Variants in OR2AG1 observed in about 807,000 individuals in gnomAD.
OR2AG1 encodes the protein olfactory receptor family 2 subfamily AG member 1.
For synonymous variants in OR2AG1, 157 were observed against 155.6 expected, an observed-to-expected ratio of 1.01 and a Z score of -0.07; for missense variants, 391 against 385.9, an observed-to-expected ratio of 1.01 and a Z score of -0.11.
Position 6,785,942 on chromosome 11 carries a change from G to A in OR2AG1, c.905G>A (p.Arg302Lys). The change falls in exon 2 of 2, where the codon AGG (arginine) becomes AAG (lysine). Residue 302 changes from arginine to lysine, a missense_variant. Arg to Lys is a conservative substitution (Grantham distance 26). Transcript: ENST00000641258. Reference sequence around the variant, plus strand: ...AATAAGGAGGTCATGCGGGCCTTGAGGAGGGTCCTGGGAAAATACATGCTG... The same window carrying A: ...AATAAGGAGGTCATGCGGGCCTTGAAGAGGGTCCTGGGAAAATACATGCTG... Reference protein sequence around the residue: ...LRNKEVMRALRRVLGKYMLPA... With the variant: ...LRNKEVMRALKRVLGKYMLPA... The A allele has an allele frequency of 6.2e-7, 1 of 1,613,936 alleles. No individual in the cohort carries two copies. The highest frequency in any genetic ancestry group is 2.2e-5 in the East Asian group (1 of 44,894).
Position 6,784,103 on chromosome 11 carries a change from T to A in OR2AG1, c.-21+632T>A, listed in dbSNP as rs568483029. On this transcript the variant is annotated intron_variant, in intron 1 of 1. Coordinates refer to ENST00000641258, the MANE Select transcript of OR2AG1 (RefSeq NM_001004489.3). The stretch of plus-strand genomic sequence containing the variant: ...CAACAGCTGCTTTCTGGAAAAGCAG[T>A]TCCTCCCTATTCCTGTGGTCCTTCT... 2.6e-5 allele frequency among the ~76,000 whole-genome samples: 4 copies of A among 152,230 alleles called. No homozygotes were observed. The South Asian group carries it at 8.3e-4, about 32-fold the overall frequency.
rs1288835598 is a variant in OR2AG1, at chr11:6,790,896, A to C, written c.*4908A>C. On this transcript the variant is annotated 3_prime_UTR_variant, in exon 2 of 2. Transcript: ENST00000641258. ...AGCACTCAGACATTAACATCTGTGA[A>C]GTGTGCCCTGCATGCTAAGAAAAGG... is the stretch of plus-strand genomic sequence containing the variant. The C allele has an allele frequency of 6.6e-6, 1 of 152,224 alleles. No individual in the cohort carries two copies. Among genetic ancestry groups the C allele is most frequent in the Admixed American group, 6.6e-5 (1 of 15,266 alleles). The allele number at this position is 152,224 out of a possible 1,614,324, so 9.4% of individuals were successfully genotyped here.
chr11:6,791,466 T>C lies in OR2AG1; in HGVS notation c.*5478T>C, dbSNP rs1847688893. ...ACCAAATGGTGATATTCAAAAGAGCTGGCATAATTTTTTAGAGTTGCTAAG... is the reference window on the plus strand; with the variant it reads ...ACCAAATGGTGATATTCAAAAGAGCCGGCATAATTTTTTAGAGTTGCTAAG... On this transcript the variant is annotated 3_prime_UTR_variant, in exon 2 of 2. Coordinates refer to ENST00000641258, the MANE Select transcript of OR2AG1 (RefSeq NM_001004489.3). 6.6e-6 allele frequency: 1 copy of C among 152,246 alleles called. No homozygotes were observed. The highest frequency in any genetic ancestry group is 2.4e-5 in the African/African-American group (1 of 41,466). The allele number at this position is 152,246 out of a possible 1,614,324, so 9.4% of individuals were successfully genotyped here.
Position 6,785,096 on chromosome 11 carries a change from A to T in OR2AG1, c.59A>T (p.Asp20Val), listed in dbSNP as rs1469022109. The change falls in exon 2 of 2, where the codon GAC becomes GTC. Residue 20 changes from aspartate to valine, a missense_variant. Physicochemically the swap from Asp to Val is radical, Grantham distance 152. Coordinates refer to ENST00000641258, the MANE Select transcript of OR2AG1 (RefSeq NM_001004489.3). ...TTCATTTTGGTGGGGATTCTGAATG[A>T]CAGTGGGTCTCCTGAACTGCTCTGT... ...SGFILVGILN[D>V]SGSPELLCAT... 1.9e-6 allele frequency: 3 copies of T among 1,613,886 alleles called. No individual in the cohort carries two copies. Among genetic ancestry groups the T allele is most frequent in the Non-Finnish European group, 2.5e-6 (3 of 1,179,888 alleles).
rs199990022 is a variant in OR2AG1 at position 6,785,810 on chromosome 11, T to G, written c.773T>G (p.Met258Arg). The change falls in exon 2 of 2, where the codon ATG (methionine) becomes AGG (arginine). Residue 258 changes from methionine (M) to arginine (R), a missense_variant. Met to Arg is a moderately conservative substitution (Grantham distance 91). Coordinates refer to ENST00000641258, the MANE Select transcript of OR2AG1 (RefSeq NM_001004489.3). ...ATGTTCTATGGAGCTGCCACATTCATGTATGTCTTGCCCAGTTCCTTCCAC... is the reference window on the plus strand; with the variant it reads ...ATGTTCTATGGAGCTGCCACATTCAGGTATGTCTTGCCCAGTTCCTTCCAC... The part of the protein sequence containing the change: ...VGMFYGAATF[M>R]YVLPSSFHST... The G allele has an allele frequency of 8.1e-6, 13 of 1,614,188 alleles. No individual in the cohort carries two copies. Among genetic ancestry groups the G allele is most frequent in the Middle Eastern group, 3.3e-4 (2 of 6,062 alleles).
Position 6,789,942 on chromosome 11 carries a change from G to T in OR2AG1, c.*3954G>T, listed in dbSNP as rs1056963307. On this transcript the variant is annotated 3_prime_UTR_variant, in exon 2 of 2. Transcript: ENST00000641258. ...AAATCGCTGTTTCCAAGACATATTT[G>T]CACTCCATGTTTATTGCAGCATGAT... The T allele has an allele frequency of 7.9e-5, 12 of 152,110 alleles. No individual in the cohort carries two copies. Among genetic ancestry groups the T allele is most frequent in the Non-Finnish European group, 1.3e-4 (9 of 68,022 alleles). 9.4% of individuals were successfully genotyped at this position (152,110 alleles called of 1,614,324 possible). A position where few individuals can be genotyped will look rare whatever the true frequency, so the allele number is the denominator to read the frequency against.
In OR2AG1 at chr11:6,786,054, A is replaced by G; in HGVS notation, c.*66A>G. ...AGTCAAAAGATTCATGTTATGAATC[A>G]AATACTAATGGTAAAACCAATACAG... On this transcript the variant is annotated 3_prime_UTR_variant, in exon 2 of 2. Transcript: ENST00000641258. 2 of 1,251,852 alleles carry G rather than the reference A, an allele frequency of 1.6e-6. No individual in the cohort carries two copies. The highest frequency in any genetic ancestry group is 2.3e-6 in the Non-Finnish European group (2 of 882,978). The allele number at this position is 1,251,852 out of a possible 1,614,324, so 77.5% of individuals were successfully genotyped here.
Position 6,787,567 on chromosome 11 carries a change from A to G in OR2AG1, c.*1579A>G, listed in dbSNP as rs1386683574. ...CTACAGAATAAATGGCCCTGAAAAT[A>G]CTGTTGAGTGATGGTATAATGTTAC... is the stretch of plus-strand genomic sequence containing the variant. On this transcript the variant is annotated 3_prime_UTR_variant, in exon 2 of 2. Coordinates refer to ENST00000641258, the MANE Select transcript of OR2AG1 (RefSeq NM_001004489.3). 1 of 152,090 alleles carries G rather than the reference A, an allele frequency of 6.6e-6. No individual in the cohort carries two copies. The highest frequency in any genetic ancestry group is 1.5e-5 in the Non-Finnish European group (1 of 67,984). The allele number at this position is 152,090 out of a possible 1,614,324, so 9.4% of individuals were successfully genotyped here. A position where few individuals can be genotyped will look rare whatever the true frequency, so the allele number is the denominator to read the frequency against.
chr11:6,786,817 T>C lies in OR2AG1; in HGVS notation c.*829T>C, dbSNP rs1847632471. The C allele has an allele frequency of 6.6e-6, 1 of 152,210 alleles. No homozygotes were observed. Among genetic ancestry groups the C allele is most frequent in the African/African-American group, 2.4e-5 (1 of 41,462 alleles). The allele number at this position is 152,210 out of a possible 1,614,324, so 9.4% of individuals were successfully genotyped here. On this transcript the variant is annotated 3_prime_UTR_variant, in exon 2 of 2. Transcript: ENST00000641258. ...ATTTAAGTCAGTGTGTCTGTGTGTTTGTGCTAAAGATGGAGAGGACAACAT... is the reference window on the plus strand; with the variant it reads ...ATTTAAGTCAGTGTGTCTGTGTGTTCGTGCTAAAGATGGAGAGGACAACAT...
intron 1 of OR2AG1, among the ~76,000 whole-genome samples, chr11:6,784,371 A>G (rs1816945066): frequency 6.6e-6 from 1 of 152,146 alleles, no homozygotes; most frequent in Admixed American, 6.6e-5. Flanking sequence ...ATTTGTATTG[A>G]CCCTAAAGTA....
chr11:6,789,003 A>T lies in OR2AG1; in HGVS notation c.*3015A>T, dbSNP rs1238729409. Reference sequence around the variant, plus strand: ...AATCCCCCTCAGTAACTGTAGCATTATTTTCAGCTTCTCTTCACAGGAAAA... The same window carrying T: ...AATCCCCCTCAGTAACTGTAGCATTTTTTTCAGCTTCTCTTCACAGGAAAA... On this transcript the variant is annotated 3_prime_UTR_variant, in exon 2 of 2. Transcript: ENST00000641258. 1 of 149,302 alleles carries T rather than the reference A, an allele frequency of 6.7e-6. No individual in the cohort carries two copies. 9.2% of individuals were successfully genotyped at this position (149,302 alleles called of 1,614,324 possible).
Position 6,783,051 on chromosome 11 carries a change from A to AG in OR2AG1, c.-439dup, listed in dbSNP as rs1847588513. 1 of 152,330 alleles carries AG rather than the reference A, an allele frequency of 6.6e-6. No individual in the cohort carries two copies. The highest frequency in any genetic ancestry group is 2.4e-5 in the African/African-American group (1 of 41,458). 9.4% of individuals were successfully genotyped at this position (152,330 alleles called of 1,614,324 possible). A position where few individuals can be genotyped will look rare whatever the true frequency, so the allele number is the denominator to read the frequency against. On this transcript the variant is annotated 5_prime_UTR_variant, in exon 1 of 2. The change abolishes the stop of an existing upstream ORF in the 5' untranslated region. Transcript: ENST00000641258. ...TGCTCCCTGACCCCAGCAAGAATGA[A>AG]GGAAAGTCTGAGTATCTGAACCCAA... is the stretch of plus-strand genomic sequence containing the variant.
At position 6,788,087 on chromosome 11, in the gene OR2AG1, G is replaced by A. The variant is rs1193893108; in HGVS notation, c.*2099G>A. On this transcript the variant is annotated 3_prime_UTR_variant, in exon 2 of 2. Transcript: ENST00000641258. ...TGTGGTAATAACTTCTTTTCAATTT[G>A]TTATTTGGCTTCTAATATCTGCATG... is the stretch of plus-strand genomic sequence containing the variant. 6.6e-6 allele frequency: 1 copy of A among 152,014 alleles called. No individual in the cohort carries two copies. Among genetic ancestry groups the A allele is most frequent in the Non-Finnish European group, 1.5e-5 (1 of 67,974 alleles). The allele number at this position is 152,014 out of a possible 1,614,324, so 9.4% of individuals were successfully genotyped here.
intron 1 of OR2AG1, among the ~76,000 whole-genome samples, chr11:6,784,066 G>C (rs1364016278): frequency 6.6e-6 from 1 of 152,060 alleles, no homozygotes; most frequent in African/African-American, 2.4e-5. Context: ...ATGGGATTGG[G>C]TACCACAATG....
Position 6,788,943 on chromosome 11 carries a change from TAA to T in OR2AG1, c.*2957_*2958del, listed in dbSNP as rs71917557. 19 of 146,370 alleles carry T rather than the reference TAA, an allele frequency of 1.3e-4. No individual in the cohort carries two copies. The highest frequency in any genetic ancestry group is 5.0e-4 in the African/African-American group (19 of 37,876). 9.1% of individuals were successfully genotyped at this position (146,370 alleles called of 1,614,324 possible). A position where few individuals can be genotyped will look rare whatever the true frequency, so the allele number is the denominator to read the frequency against. ...ATAAATAAATAAATAAATAAATAAA[TAA>T]ATAAATAAAGTAAGAAGTCTTTGCA... is the stretch of plus-strand genomic sequence containing the variant. On this transcript the variant is annotated 3_prime_UTR_variant, in exon 2 of 2. Coordinates refer to ENST00000641258, the MANE Select transcript of OR2AG1 (RefSeq NM_001004489.3).
Position 6,789,246 on chromosome 11 carries a change from AT to A in OR2AG1, c.*3263del, listed in dbSNP as rs1211219537. The A allele has an allele frequency of 6.6e-6, 1 of 151,854 alleles. No individual in the cohort carries two copies. Among genetic ancestry groups the A allele is most frequent in the African/African-American group, 2.4e-5 (1 of 41,306 alleles). 9.4% of individuals were successfully genotyped at this position (151,854 alleles called of 1,614,324 possible). On this transcript the variant is annotated 3_prime_UTR_variant, in exon 2 of 2. Transcript: ENST00000641258. ...ATTGACCTCACCCTTCTGTTGGGAA[AT>A]TTTTCTTCTTTTGGCTTCCAGACAC...
rs1350877492 is a variant in OR2AG1 at position 6,790,738 on chromosome 11, G to A, written c.*4750G>A. On this transcript the variant is annotated 3_prime_UTR_variant, in exon 2 of 2. Transcript: ENST00000641258. ...TAGTACAAATTAGATGAGACGACTT[G>A]CAGTGTAGAGCCCTCTAGGCTTTCA... 1 of 152,212 alleles carries A rather than the reference G, an allele frequency of 6.6e-6. No individual in the cohort carries two copies. The highest frequency in any genetic ancestry group is 6.5e-5 in the Admixed American group (1 of 15,290). The allele number at this position is 152,212 out of a possible 1,614,324, so 9.4% of individuals were successfully genotyped here. A position where few individuals can be genotyped will look rare whatever the true frequency, so the allele number is the denominator to read the frequency against.
In OR2AG1 at chr11:6,785,004, C is replaced by G; in HGVS notation, c.-20-14C>G. 7.4e-7 allele frequency: 1 copy of G among 1,353,664 alleles called. No homozygotes were observed. The highest frequency in any genetic ancestry group is 2.3e-5 in the East Asian group (1 of 43,354). 83.9% of individuals were successfully genotyped at this position (1,353,664 alleles called of 1,614,324 possible). A position where few individuals can be genotyped will look rare whatever the true frequency, so the allele number is the denominator to read the frequency against. ...ATCTTAGCAAAAATTCATGAAGTAT[C>G]CATCTTGTTCTAGGTGATGAAAGAA... is the stretch of plus-strand genomic sequence containing the variant. On this transcript the variant is annotated splice_polypyrimidine_tract_variant and intron_variant, in intron 1 of 1. Coordinates refer to ENST00000641258, the MANE Select transcript of OR2AG1 (RefSeq NM_001004489.3).
rs1275626058 is a variant in OR2AG1 at position 6,785,769 on chromosome 11, C to G, written c.732C>G (p.His244Gln). 2.5e-6 allele frequency: 4 copies of G among 1,614,178 alleles called. No individual in the cohort carries two copies. Among genetic ancestry groups the G allele is most frequent in the Non-Finnish European group, 3.4e-6 (4 of 1,180,022 alleles). The stretch of plus-strand genomic sequence containing the variant: ...AAGCCCTTGTCACCTGCTCTTCCCA[C>G]CTGACTGTGGTTGGGATGTTCTATG... ...RKKALVTCSSHLTVVGMFYGA... is the reference protein window; with the variant it reads ...RKKALVTCSSQLTVVGMFYGA... Residue 244 changes from histidine to glutamine, a missense_variant, in exon 2 of 2, where the codon CAC (histidine) becomes CAG (glutamine). Transcript: ENST00000641258.
Sources: gnomAD v4.1 joint callset for allele counts (sites outside exome capture counted in the v4.1 genomes callset) on GRCh38, gnomAD v4.1.1 for gene constraint, MANE v1.5 for transcripts, NCBI Gene and HGNC (gene_info 2026-07-23, HGNC 2026-07-21) for gene names.